The following LPIN3 variants were observed in gnomAD, a reference collection of about 807,000 sequenced individuals.
LPIN3 encodes phosphatidate phosphatase LPIN3.
In LPIN3, 82 loss-of-function variants were observed where a neutral mutation model predicts 94.7. The observed-to-expected ratio is 0.87, with a 90% CI of 0.72 to 1.04. The LOEUF (loss-of-function observed/expected upper bound fraction) is 1.04, where lower values mean the gene tolerates loss of function less well. LPIN3 is among the 50% of genes least tolerant of loss of function. The pLI is 0.00. For synonymous variants in LPIN3, 418 were observed against 443.3 expected (o/e 0.94, Z 0.72); for missense variants, 996 against 1,090.5 (o/e 0.91, Z 1.22).
chr20:41,349,594 T>G (rs1296871583), intron 5 of LPIN3, among the ~76,000 whole-genome samples, 180 bp from the exon 6 acceptor site: 4 of 152,174 alleles, frequency 2.6e-5, no homozygotes, highest in Non-Finnish European at 4.4e-5. Flanking sequence ...GTCTTCTTCT[T>G]GTTGATTAGT....
intron 13 of LPIN3, 151 bp from the exon 14 acceptor site, chr20:41,355,745 C>T (rs751571671): frequency 3.3e-5 from 33 of 987,366 alleles, no homozygotes; most frequent in Non-Finnish European, 4.7e-5. Flanking sequence ...TCTGCCACCA[C>T]TCCAAATGGG....
chr20:41,357,964 G>A lies in LPIN3; in HGVS notation c.2122G>A (p.Glu708Lys), dbSNP rs368424400. ...CAAGGGGTACCTGCAGTGGGTGAGCGAGGGGGGCTGTAGCCTCCCCAAGGG... is the reference window on the plus strand; with the variant it reads ...CAAGGGGTACCTGCAGTGGGTGAGCAAGGGGGGCTGTAGCCTCCCCAAGGG... Reference protein sequence around the residue: ...LTKGYLQWVSEGGCSLPKGPI... With the variant: ...LTKGYLQWVSKGGCSLPKGPI... The change falls in exon 17 of 20, where the codon GAG becomes AAG. Residue 708 changes from glutamate to lysine, a missense_variant. Glu to Lys is a moderately conservative substitution (Grantham distance 56). Coordinates refer to ENST00000373257, the MANE Select transcript of LPIN3 (RefSeq NM_022896.3). 1.5e-5 allele frequency: 25 copies of A among 1,613,652 alleles called. No individual in the cohort carries two copies. Among genetic ancestry groups the A allele is most frequent in the South Asian group, 7.7e-5 (7 of 91,004 alleles).
At chr20:41,348,912 A>C in intron 4 of LPIN3, 25 bp downstream of exon 4, 1 of 1,593,834 alleles carries the variant, frequency 6.3e-7, no homozygotes, top group Non-Finnish European at 8.6e-7. Context: ...AGGGACTTGA[A>C]CCCCAGTTTG....
Position 41,354,643 on chromosome 20 carries a change from A to G in LPIN3, c.1528-2A>G. The stretch of plus-strand genomic sequence containing the variant: ...ACTGCCATGGCTTTCATCTGCCCAC[A>G]GAGCACCATGGACAAGCTGGAGAGG... On this transcript the variant is annotated splice_acceptor_variant, in intron 11 of 19. Transcript: ENST00000373257. LOFTEE classifies it high-confidence loss of function. 17 of 1,571,788 alleles carry G rather than the reference A, an allele frequency of 1.1e-5. No homozygotes were observed. Among genetic ancestry groups the G allele is most frequent in the Non-Finnish European group, 1.5e-5 (17 of 1,156,810 alleles).
At chr20:41,345,662 G>A in intron 1 of LPIN3, 134 bp from the exon 2 acceptor site, 3 of 896,552 alleles carry the variant, frequency 3.3e-6, no homozygotes, top group Non-Finnish European at 5.0e-6. Flanking sequence ...TCGCACAGCT[G>A]CTGCCATCTG....
chr20:41,352,902 A>G, intron 11 of LPIN3, 35 bp downstream of exon 11: 1 of 1,608,492 alleles, frequency 6.2e-7, no homozygotes. Flanking sequence ...CTGCTGGGGA[A>G]GGTAGCCATA....
rs1228526878 is a variant in LPIN3 at position 41,347,607 on chromosome 20, G to A, written c.248G>A (p.Ser83Asn). 6.2e-7 allele frequency: 1 copy of A among 1,614,188 alleles called. No homozygotes were observed. Among genetic ancestry groups the A allele is most frequent in the Admixed American group, 1.7e-5 (1 of 60,016 alleles). ...PVDLHMKLGD[S>N]GEAFFVQELE... is the part of the protein sequence containing the mutation. Reference sequence around the variant, plus strand: ...GACTTGCACATGAAGCTTGGGGACAGCGGGGAGGCCTTCTTTGTTCAGGAG... The same window carrying A: ...GACTTGCACATGAAGCTTGGGGACAACGGGGAGGCCTTCTTTGTTCAGGAG... The change falls in exon 3 of 20, where the codon AGC (serine) becomes AAC (asparagine). Residue 83 changes from serine to asparagine, a missense_variant. By Grantham distance (46) the Ser-to-Asn change is conservative. Coordinates refer to ENST00000373257, the MANE Select transcript of LPIN3 (RefSeq NM_022896.3).
chr20:41,355,817 C>T, intron 13 of LPIN3, 79 bp from the exon 14 acceptor site: 1 of 1,567,510 alleles, frequency 6.4e-7, no homozygotes, highest in Non-Finnish European at 8.7e-7. Context: ...GGGGACAGGT[C>T]CAGCCTCCTC....
chr20:41,357,665 C>T (rs868540596), intron 16 of LPIN3, among the ~76,000 whole-genome samples: 5 of 152,212 alleles, frequency 3.3e-5, no homozygotes, highest in Non-Finnish European at 7.4e-5. Flanking sequence ...GGCCTGCAGC[C>T]GGAGGGGAGG....
At chr20:41,347,500 C>T (rs570383607) in intron 2 of LPIN3, 52 bp from the exon 3 acceptor site, 66 of 1,569,664 alleles carry the variant, frequency 4.2e-5, no homozygotes, top group African/African-American at 3.5e-4. Context: ...GGCCTGTGGT[C>T]GGAAGCATGG....
chr20:41,347,797 C>T lies in LPIN3; in HGVS notation c.288+150C>T, dbSNP rs919234043. The T allele has an allele frequency of 7.6e-6, 5 of 656,980 alleles. No individual in the cohort carries two copies. The Admixed American group carries it at 1.2e-4, about 16-fold the overall frequency. The allele number at this position is 656,980 out of a possible 1,614,324, so 40.7% of individuals were successfully genotyped here. A position where few individuals can be genotyped will look rare whatever the true frequency, so the allele number is the denominator to read the frequency against. On this transcript the variant is annotated intron_variant, in intron 3 of 19. Coordinates refer to ENST00000373257, the MANE Select transcript of LPIN3 (RefSeq NM_022896.3). Reference sequence around the variant, plus strand: ...AGGCAGGGGTATCAGTTGGGGCTGGCCTCTGGCACACGTGATATGCTGTGG... The same window carrying T: ...AGGCAGGGGTATCAGTTGGGGCTGGTCTCTGGCACACGTGATATGCTGTGG...
intron 1 of LPIN3, among the ~76,000 whole-genome samples, 161 bp downstream of exon 1, chr20:41,341,163 C>T (rs1035919576): frequency 5.9e-5 from 9 of 152,284 alleles, no homozygotes; most frequent in African/African-American, 2.2e-4. Flanking sequence ...CATTTTGTCC[C>T]TTTTTCCCTG....
Position 41,352,625 on chromosome 20 carries a change from C to A in LPIN3, c.1383C>A (p.Ser461Arg). Residue 461 changes from serine (S) to arginine (R), a missense_variant, in exon 10 of 20, where the codon AGC becomes AGA. By Grantham distance (110) the Ser-to-Arg change is moderately radical. Transcript: ENST00000373257. ...DISLEKFNQH[S>R]VSYQDLTKNP... is the part of the protein sequence containing the mutation. ...GCCCAGAGAAATTCAACCAGCACAG[C>A]GTCTCTTACCAGGACCTCACCAAAA... 6.2e-7 allele frequency: 1 copy of A among 1,614,110 alleles called. No individual in the cohort carries two copies. The highest frequency in any genetic ancestry group is 1.7e-5 in the Admixed American group (1 of 60,022).
At position 41,357,154 on chromosome 20, in the gene LPIN3, G is replaced by A. The variant is rs750752297; in HGVS notation, c.1918G>A (p.Val640Met). Reference sequence around the variant, plus strand: ...CTACCTGTGGAAATGGGACGACAAGGTGGTCATCTCTGACATCGACGGCAC... The same window carrying A: ...CTACCTGTGGAAATGGGACGACAAGATGGTCATCTCTGACATCGACGGCAC... ...TIYLWKWDDKVVISDIDGTIT... is the reference protein window; with the variant it reads ...TIYLWKWDDKMVISDIDGTIT... Residue 640 changes from valine to methionine, a missense_variant, in exon 15 of 20, where the codon GTG becomes ATG. By Grantham distance (21) the Val-to-Met change is conservative. Transcript: ENST00000373257. The A allele has an allele frequency of 1.2e-6, 2 of 1,614,162 alleles. No individual in the cohort carries two copies. Among genetic ancestry groups the A allele is most frequent in the Non-Finnish European group, 1.7e-6 (2 of 1,180,026 alleles).
chr20:41,360,167 G>A lies in LPIN3; in HGVS notation c.*1301G>A, dbSNP rs548155306. 6.5e-6 allele frequency: 1 copy of A among 152,718 alleles called. No individual in the cohort carries two copies. Among genetic ancestry groups the A allele is most frequent in the East Asian group, 1.9e-4 (1 of 5,178 alleles). 9.5% of individuals were successfully genotyped at this position (152,718 alleles called of 1,614,324 possible). A position where few individuals can be genotyped will look rare whatever the true frequency, so the allele number is the denominator to read the frequency against. On this transcript the variant is annotated 3_prime_UTR_variant, in exon 20 of 20. Coordinates refer to ENST00000373257, the MANE Select transcript of LPIN3 (RefSeq NM_022896.3). The stretch of plus-strand genomic sequence containing the variant: ...TCAAGAGTCTCTGGGAACTGCATAG[G>A]CCTGAGGAACATGCATTTTCAAGTT...
intron 2 of LPIN3, among the ~76,000 whole-genome samples, chr20:41,346,452 C>T (rs2045780372): frequency 6.6e-6 from 1 of 152,218 alleles, no homozygotes; most frequent in Non-Finnish European, 1.5e-5. Flanking sequence ...TTAATAAATC[C>T]ACTTCAGGCT....
intron 2 of LPIN3, among the ~76,000 whole-genome samples, 177 bp downstream of exon 2, chr20:41,346,172 G>A (rs921732869): frequency 1.3e-5 from 2 of 152,164 alleles, no homozygotes; most frequent in Admixed American, 6.5e-5. Flanking sequence ...GGGGGTTTTG[G>A]TCTGGGAGGG....
chr20:41,343,666 G>A (rs529257238), intron 1 of LPIN3, among the ~76,000 whole-genome samples: 41 of 152,238 alleles, frequency 2.7e-4, no homozygotes, highest in Admixed American at 7.2e-4. Flanking sequence ...GGGTCTTGTC[G>A]TTTAGGCTCT....
At chr20:41,357,513 C>G (rs566179606) in intron 16 of LPIN3, 66 bp downstream of exon 16, 2 of 1,408,018 alleles carry the variant, frequency 1.4e-6, no homozygotes, top group East Asian at 4.6e-5. Flanking sequence ...AGTGACAGGA[C>G]AGGACATCTT....
Sources: allele counts gnomAD v4.1 joint callset (sites outside exome capture counted in the v4.1 genomes callset), GRCh38; gene constraint gnomAD v4.1.1; transcripts MANE v1.5; gene names NCBI Gene and HGNC (gene_info 2026-07-23, HGNC 2026-07-21).